Variants in PARD3B observed in about 807,000 individuals in gnomAD.
PARD3B encodes the protein partitioning defective 3 homolog B.
Under a neutral mutation model 130.2 loss-of-function variants are expected in PARD3B, and 103 were observed. That is an observed-to-expected ratio of 0.79 (90% CI 0.67 to 0.93). The LOEUF (loss-of-function observed/expected upper bound fraction) is 0.93. Among genes scored for constraint, PARD3B ranks in the 40% least tolerant of loss-of-function variants. The pLI is 0.00. For synonymous variants in PARD3B, 583 were observed against 553.2 expected (o/e 1.05, Z -0.76); for missense variants, 1,609 against 1,499.2 (o/e 1.07, Z -1.21).
At chr2:204,667,620 A>G (rs1268609742) in intron 1 of PARD3B, among the ~76,000 whole-genome samples, 1 of 152,114 alleles carries the variant, frequency 6.6e-6, no homozygotes, top group Non-Finnish European at 1.5e-5. Flanking sequence ...TACAGATCTT[A>G]TAATGGACTC....
At chr2:205,518,667 A>T (rs756896554) in intron 21 of PARD3B, among the ~76,000 whole-genome samples, 7 of 152,116 alleles carry the variant, frequency 4.6e-5, no homozygotes, top group Non-Finnish European at 7.4e-5. Context: ...GGGTTGCTTT[A>T]TAGTGACACT....
intron 21 of PARD3B, among the ~76,000 whole-genome samples, chr2:205,546,821 A>T (rs1389616287): frequency 3.9e-5 from 6 of 152,220 alleles, no homozygotes; most frequent in Non-Finnish European, 8.8e-5. Flanking sequence ...TACATGAATT[A>T]TGATTTCTCC....
chr2:205,123,993 T>C (rs1191668313), intron 8 of PARD3B, among the ~76,000 whole-genome samples: 1 of 152,190 alleles, frequency 6.6e-6, no homozygotes, highest in Non-Finnish European at 1.5e-5. Flanking sequence ...AATGGCCTTT[T>C]GCTTCTCAGG....
intron 10 of PARD3B, among the ~76,000 whole-genome samples, chr2:205,153,474 G>A (rs1422363175): frequency 1.3e-5 from 2 of 152,110 alleles, no homozygotes; most frequent in Non-Finnish European, 2.9e-5. Flanking sequence ...TACTGCCCAA[G>A]GTAATTTATA....
intron 22 of PARD3B, among the ~76,000 whole-genome samples, chr2:205,578,499 G>A (rs566376247): frequency 7.9e-5 from 12 of 152,214 alleles, no homozygotes; most frequent in East Asian, 3.9e-4. Flanking sequence ...AATTATTGGC[G>A]AAGTACACAA....
At chr2:205,057,569 G>GTGTATGTGTATACGTATATATACA in intron 4 of PARD3B, among the ~76,000 whole-genome samples, 1 of 130,124 alleles carries the variant, frequency 7.7e-6, no homozygotes, top group Non-Finnish European at 1.7e-5. Flanking sequence ...ATACATATAT[G>GTGTATGTGTATACGTATATATACA]TATATGTGTA....
chr2:205,013,622 T>C (rs1695895070), intron 3 of PARD3B, among the ~76,000 whole-genome samples: 1 of 152,144 alleles, frequency 6.6e-6, no homozygotes, highest in Non-Finnish European at 1.5e-5. Flanking sequence ...ACTTCACAAA[T>C]TTAATCTTTC....
At chr2:204,721,310 A>G (rs1397047337) in intron 2 of PARD3B, among the ~76,000 whole-genome samples, 2 of 152,104 alleles carry the variant, frequency 1.3e-5, no homozygotes, top group African/African-American at 4.8e-5. Context: ...GTTAACATAC[A>G]TAAAATGGGA....
At chr2:204,994,566 G>A (rs1292827036) in intron 3 of PARD3B, among the ~76,000 whole-genome samples, 1 of 149,082 alleles carries the variant, frequency 6.7e-6, no homozygotes, top group East Asian at 2.0e-4. Context: ...GTTGATTTGG[G>A]GTGGAGAGTT....
chr2:205,068,205 A>C (rs896096658), intron 4 of PARD3B, among the ~76,000 whole-genome samples: 1 of 152,284 alleles, frequency 6.6e-6, no homozygotes, highest in South Asian at 2.1e-4. Context: ...TGACTTACTC[A>C]GATTTTCTGT....
intron 10 of PARD3B, among the ~76,000 whole-genome samples, chr2:205,133,803 T>G (rs2032232317): frequency 1.3e-5 from 2 of 152,218 alleles, no homozygotes; most frequent in Admixed American, 1.3e-4. Context: ...GTACTTGACT[T>G]TCTCAGGTCC....
chr2:204,968,972 G>A (rs1411103914), intron 3 of PARD3B, among the ~76,000 whole-genome samples: 1 of 152,138 alleles, frequency 6.6e-6, no homozygotes, highest in African/African-American at 2.4e-5. Context: ...ATTTTCTAAT[G>A]TAATGCTGAA....
chr2:205,275,699 T>C (rs1251186287), intron 16 of PARD3B, among the ~76,000 whole-genome samples: 2 of 151,890 alleles, frequency 1.3e-5, no homozygotes, highest in Admixed American at 6.6e-5. Context: ...TAGCCGGGCA[T>C]GGTGGCAGGC....
At chr2:205,365,984 T>C (rs1212296668) in intron 18 of PARD3B, among the ~76,000 whole-genome samples, 1 of 152,172 alleles carries the variant, frequency 6.6e-6, no homozygotes. Flanking sequence ...TTATACCCTG[T>C]TGAAGATAAT....
intron 1 of PARD3B, among the ~76,000 whole-genome samples, chr2:204,637,519 T>A (rs976957979): frequency 6.6e-6 from 1 of 152,202 alleles, no homozygotes; most frequent in African/African-American, 2.4e-5. Context: ...TGTACTAAAT[T>A]CTCATATTTT....
Position 205,104,483 on chromosome 2 carries a change from C to T in PARD3B, c.562C>T (p.Leu188=), listed in dbSNP as rs1404009254. The T allele has an allele frequency of 6.3e-7, 1 of 1,592,622 alleles. No homozygotes were observed. Among genetic ancestry groups the T allele is most frequent in the Non-Finnish European group, 8.6e-7 (1 of 1,160,766 alleles). ...EVLNGVQTEL[L]TSPRTKDTLS... The stretch of plus-strand genomic sequence containing the variant: ...TTTGAATGGTGTACAGACAGAACTA[C>T]TAACTTCGCCAAGAACTAAGGACAC... Residue 188 remains leucine, a synonymous_variant, in exon 5 of 23, where the codon CTA becomes TTA. Transcript: ENST00000406610.
intron 22 of PARD3B, among the ~76,000 whole-genome samples, chr2:205,607,828 C>CCATACA (rs1230688897): frequency 3.1e-5 from 2 of 64,044 alleles, no homozygotes; most frequent in South Asian, 1.1e-3. Context: ...CCCCCAACAC[C>CCATACA]CATACACACA....
intron 20 of PARD3B, among the ~76,000 whole-genome samples, chr2:205,448,208 A>G (rs1472485729): frequency 1.3e-5 from 2 of 152,120 alleles, no homozygotes; most frequent in Non-Finnish European, 2.9e-5. Flanking sequence ...TGTACACTAA[A>G]GTCTATTGAG....
rs992626147 is a variant in PARD3B at position 205,238,282 on chromosome 2, C to G, written c.2141-7496C>G. ...AGTATGTGTTACTTAGATTTTGTAC[C>G]TAAGTACAAAGTTGCATGGCCTACT... On this transcript the variant is annotated intron_variant, in intron 15 of 22. Coordinates refer to ENST00000406610, the MANE Select transcript of PARD3B (RefSeq NM_001302769.2). 5.9e-5 allele frequency among the ~76,000 whole-genome samples: 9 copies of G among 151,992 alleles called. No individual in the cohort carries two copies. The East Asian group carries it at 1.7e-3, about 29-fold the overall frequency.
Sources: gnomAD v4.1 joint callset for allele counts (sites outside exome capture counted in the v4.1 genomes callset) on GRCh38, gnomAD v4.1.1 for gene constraint, MANE v1.5 for transcripts, NCBI Gene and HGNC (gene_info 2026-07-23, HGNC 2026-07-21) for gene names.